The following NEB variants were observed in gnomAD, a reference collection of about 807,000 sequenced individuals.
NEB encodes the protein nebulin.
In NEB, 512 loss-of-function variants were observed where a neutral mutation model predicts 952.2. The ratio of observed to expected loss-of-function variants is 0.54; its 90% CI spans 0.50 to 0.58. NEB has a LOEUF of 0.58. NEB is among the 20% of genes least tolerant of loss of function. NEB has a pLI of 0.00. For missense variants in NEB, 8,428 were observed against 9,231.1 expected (o/e 0.91, Z 3.56); for synonymous variants, 2,900 against 3,149.8 (o/e 0.92, Z 2.66).
At chr2:151,721,456 C>T (rs1486356310) in intron 9 of NEB, among the ~76,000 whole-genome samples, 2 of 152,168 alleles carry the variant, frequency 1.3e-5, no homozygotes, top group Non-Finnish European at 2.9e-5. Flanking sequence ...TGTTCAAGTG[C>T]TCCCTCTACT....
intron 171 of NEB, 129 bp downstream of exon 171, chr2:151,497,497 T>C: frequency 2.0e-6 from 3 of 1,485,932 alleles, no homozygotes; most frequent in Non-Finnish European, 2.7e-6. Flanking sequence ...GAAAAAAGGA[T>C]AAATTTGCTA....
intron 49 of NEB, 60 bp from the exon 50 acceptor site, chr2:151,656,083 T>A: frequency 1.3e-6 from 2 of 1,588,106 alleles, no homozygotes; most frequent in Non-Finnish European, 1.7e-6. Flanking sequence ...AACCATGGCA[T>A]GTAAACAGAC....
In NEB at chr2:151,645,619, T is replaced by C. The variant is rs559136603; in HGVS notation, c.7536+511A>G. The stretch of plus-strand genomic sequence containing the variant: ...GGAACTACTTTAATACATTCTTTAA[T>C]GTTAAAGTCATTCTATTAGAATTTA... On this transcript the variant is annotated intron_variant, in intron 55 of 181. Coordinates refer to ENST00000397345, the MANE Select transcript of NEB (RefSeq NM_001164508.2). 6.0e-4 allele frequency among the ~76,000 whole-genome samples: 91 copies of C among 152,364 alleles called. 1 individual carries two copies. The highest frequency in any genetic ancestry group is 2.0e-3 in the African/African-American group (84 of 41,592).
rs778363526 is a variant in NEB at position 151,535,686 on chromosome 2, C to T, written c.21312+5G>A. The T allele has an allele frequency of 1.3e-5, 21 of 1,579,724 alleles. No individual in the cohort carries two copies. The highest frequency in any genetic ancestry group is 8.6e-5 in the Admixed American group (5 of 58,412). On this transcript the variant is annotated splice_donor_5th_base_variant and intron_variant, in intron 142 of 181. Coordinates refer to ENST00000397345, the MANE Select transcript of NEB (RefSeq NM_001164508.2). ...GCTTAATTGGAGCAGTTTATTCATA[C>T]ATACCTCATTCATCAATTGAGTTGC...
At chr2:151,506,003 A>G in intron 164 of NEB, 163 bp downstream of exon 164, 1 of 686,504 alleles carries the variant, frequency 1.5e-6, no homozygotes, top group Non-Finnish European at 2.6e-6. Context: ...CACTGCACTG[A>G]ATATGAGATG....
At chr2:151,726,671 T>C (rs1394124484) in intron 5 of NEB, among the ~76,000 whole-genome samples, 1 of 152,134 alleles carries the variant, frequency 6.6e-6, no homozygotes, top group Non-Finnish European at 1.5e-5. Flanking sequence ...CCAGGGACCA[T>C]TGAGAGCAGT....
chr2:151,666,839 C>T (rs567799866), intron 40 of NEB, among the ~76,000 whole-genome samples: 6 of 152,018 alleles, frequency 3.9e-5, no homozygotes, highest in East Asian at 1.9e-4. Context: ...TAGGATTAGA[C>T]GTGTGAGCCA....
chr2:151,666,424 CAG>C (rs763343943), intron 40 of NEB, 23 bp from the exon 41 acceptor site: 30 of 1,602,764 alleles, frequency 1.9e-5, no homozygotes, highest in Non-Finnish European at 2.4e-5. Context: ...AAAGGGCAAA[CAG>C]AAGTTGGCTA....
chr2:151,610,822 G>C lies in NEB; in HGVS notation c.11850C>G (p.His3950Gln), dbSNP rs777244382. The C allele has an allele frequency of 6.2e-7, 1 of 1,604,626 alleles. No individual in the cohort carries two copies. Among genetic ancestry groups the C allele is most frequent in the Admixed American group, 1.7e-5 (1 of 58,592 alleles). ...GGATATCTGGGGTGTCTGGCATCAC[G>C]TGGATGGAGGTTTTGTCAGCATCCC... ...EAWDADKTSI[H>Q]VMPDTPDILL... The change falls in exon 79 of 182, where the codon CAC becomes CAG. Residue 3950 changes from histidine to glutamine, a missense_variant. Coordinates refer to ENST00000397345, the MANE Select transcript of NEB (RefSeq NM_001164508.2).
chr2:151,665,224 C>G, intron 42 of NEB, 109 bp downstream of exon 42: 1 of 1,047,858 alleles, frequency 9.5e-7, no homozygotes, highest in South Asian at 1.5e-5. Flanking sequence ...ACCACCGGCA[C>G]GAAGACGATC....
At chr2:151,704,668 T>C (rs1006234154) in intron 13 of NEB, among the ~76,000 whole-genome samples, 12 of 152,196 alleles carry the variant, frequency 7.9e-5, no homozygotes, top group African/African-American at 2.4e-4. Flanking sequence ...AAGGTAACTC[T>C]CTGACCCCTT....
Position 151,672,514 on chromosome 2 carries a change from C to T in NEB, c.4154G>A (p.Gly1385Glu), listed in dbSNP as rs577600012. The T allele has an allele frequency of 3.7e-6, 6 of 1,613,920 alleles. No individual in the cohort carries two copies. The South Asian group carries it at 5.5e-5, about 15-fold the overall frequency. The change falls in exon 37 of 182, where the codon GGG becomes GAG. Residue 1385 changes from glycine (G) to glutamate (E), a missense_variant. By Grantham distance (98) the Gly-to-Glu change is moderately conservative. Around this residue, in one of 11 missense-constraint regions of NEB, gnomAD observed 2,851 missense variants for 2,791.5 expected, o/e 1.02. Transcript: ENST00000397345. ...ENTKTSYHTP[G>E]DMVSITAAKM... is the part of the protein sequence containing the mutation. Reference sequence around the variant, plus strand: ...TGCAGCTGTGATGCTAACCATGTCCCCAGGGGTATGGTAGCTGGTTTTGGT... The same window carrying T: ...TGCAGCTGTGATGCTAACCATGTCCTCAGGGGTATGGTAGCTGGTTTTGGT...
intron 153 of NEB, among the ~76,000 whole-genome samples, chr2:151,523,108 T>C (rs1452051590): frequency 6.6e-6 from 1 of 151,820 alleles, no homozygotes; most frequent in Non-Finnish European, 1.5e-5. Context: ...ACCTTGTACA[T>C]TTAAAAACAT....
At chr2:151,629,021 T>C (rs146054669) in intron 68 of NEB, among the ~76,000 whole-genome samples, 3 of 152,316 alleles carry the variant, frequency 2.0e-5, no homozygotes, top group East Asian at 3.9e-4. Context: ...CGTCTTTGTC[T>C]TTCTGTTTTC....
Position 151,678,081 on chromosome 2 carries a change from T to C in NEB, c.3362A>G (p.Gln1121Arg), listed in dbSNP as rs1559152642. 3.1e-6 allele frequency: 5 copies of C among 1,613,930 alleles called. No homozygotes were observed. Among genetic ancestry groups the C allele is most frequent in the Non-Finnish European group, 4.2e-6 (5 of 1,179,826 alleles). ...LVHYMNVAKI[Q>R]SDREYKKDYE... ...GTCTTTTTTATACTCCCGATCTGAT[T>C]GTATCTTGGCCACGTTCATATAATG... is the stretch of plus-strand genomic sequence containing the variant. Residue 1121 changes from glutamine (Q) to arginine (R), a missense_variant, in exon 33 of 182, where the codon CAA becomes CGA. Coordinates refer to ENST00000397345, the MANE Select transcript of NEB (RefSeq NM_001164508.2).
chr2:151,657,948 AC>A, intron 48 of NEB, 34 bp downstream of exon 48: 2 of 1,463,974 alleles, frequency 1.4e-6, no homozygotes, highest in Non-Finnish European at 1.9e-6. Flanking sequence ...TTCCTTAGAA[AC>A]CCCCAGCCAG....
intron 30 of NEB, 55 bp from the exon 31 acceptor site, chr2:151,680,077 G>C: frequency 7.8e-7 from 1 of 1,287,888 alleles, no homozygotes; most frequent in Non-Finnish European, 1.1e-6. Context: ...AAAATTTAAT[G>C]GCACCAGAAA....
intron 167 of NEB, among the ~76,000 whole-genome samples, 190 bp downstream of exon 167, chr2:151,502,601 CTA>C (rs755374717): frequency 3.7e-4 from 57 of 152,014 alleles, no homozygotes; most frequent in Admixed American, 5.2e-4. Context: ...TGATAAATAT[CTA>C]TGTTTTAGAG....
chr2:151,531,858 T>A lies in NEB; in HGVS notation c.21456A>T (p.Lys7152Asn), dbSNP rs1359552708. 1 of 1,611,480 alleles carries A rather than the reference T, an allele frequency of 6.2e-7. No individual in the cohort carries two copies. The highest frequency in any genetic ancestry group is 8.5e-7 in the Non-Finnish European group (1 of 1,178,850). Reference sequence around the variant, plus strand: ...CTGGAGTATCCACAATTGAGGTAAATTTGTCCTTTGATTTTTCATAGTTTT... The same window carrying A: ...CTGGAGTATCCACAATTGAGGTAAAATTGTCCTTTGATTTTTCATAGTTTT... ...YRKNYEKSKD[K>N]FTSIVDTPEH... is the part of the protein sequence containing the mutation. Residue 7152 changes from lysine to asparagine, a missense_variant, in exon 144 of 182, where the codon AAA becomes AAT. Lys to Asn is a moderately conservative substitution (Grantham distance 94). Around this residue, in one of 11 missense-constraint regions of NEB, gnomAD observed 3,374 missense variants for 3,651.5 expected, o/e 0.92. Coordinates refer to ENST00000397345, the MANE Select transcript of NEB (RefSeq NM_001164508.2).
Sources: allele counts gnomAD v4.1 joint callset (sites outside exome capture counted in the v4.1 genomes callset), GRCh38; gene constraint gnomAD v4.1.1; regional missense constraint gnomAD v4.1.1; transcripts MANE v1.5; gene names NCBI Gene and HGNC (gene_info 2026-07-23, HGNC 2026-07-21).